GRID1: variants seen among roughly 807,000 people sequenced by gnomAD.
The protein encoded by GRID1 is glutamate receptor ionotropic, delta-1.
GRID1 carries 28 observed loss-of-function variants against 98.0 expected under a neutral mutation model. That is an observed-to-expected ratio of 0.29 (90% confidence interval 0.21 to 0.39). The LOEUF is 0.39. GRID1 is among the 10% of genes least tolerant of loss of function. GRID1 has a pLI of 1.00. For synonymous variants in GRID1, 553 were observed against 538.5 expected (o/e 1.03, Z -0.37); for missense variants, 1,111 against 1,340.5 (o/e 0.83, Z 2.67).
chr10:85,724,942 C>T (rs1400921894), intron 10 of GRID1, among the ~76,000 whole-genome samples: 1 of 152,226 alleles, frequency 6.6e-6, no homozygotes, highest in Non-Finnish European at 1.5e-5. Flanking sequence ...ATCTTCATTT[C>T]TCTACGAATT....
At chr10:85,711,135 C>T (rs574726829) in intron 12 of GRID1, among the ~76,000 whole-genome samples, 11 of 151,776 alleles carry the variant, frequency 7.2e-5, no homozygotes, top group African/African-American at 2.2e-4. Flanking sequence ...GTATATACAC[C>T]GAAGAATTAA....
chr10:85,648,600 T>C (rs1843227017), intron 12 of GRID1, among the ~76,000 whole-genome samples: 1 of 152,190 alleles, frequency 6.6e-6, no homozygotes, highest in Non-Finnish European at 1.5e-5. Context: ...TCTCTGGCTG[T>C]TCTCCCCACC....
chr10:85,833,808 G>A (rs1219078020), intron 8 of GRID1, among the ~76,000 whole-genome samples: 1 of 152,132 alleles, frequency 6.6e-6, no homozygotes, highest in African/African-American at 2.4e-5. Context: ...TGGAAATTAT[G>A]GAATTGAAAT....
chr10:86,139,127 C>T (rs1258777302), intron 3 of GRID1, 103 bp from the exon 4 acceptor site: 14 of 782,754 alleles, frequency 1.8e-5, no homozygotes, highest in South Asian at 1.3e-4. Flanking sequence ...CAGGCCACCA[C>T]GAAAAATGAG....
At chr10:85,845,283 G>T (rs1842995709) in intron 8 of GRID1, among the ~76,000 whole-genome samples, 1 of 151,926 alleles carries the variant, frequency 6.6e-6, no homozygotes, top group Non-Finnish European at 1.5e-5. Flanking sequence ...ACAGTAACAA[G>T]TAGAAAAATC....
intron 8 of GRID1, among the ~76,000 whole-genome samples, chr10:85,802,838 AACACACACACACAC>A (rs59101010): frequency 0.022 from 2,622 of 120,958 alleles, 41 homozygotes; most frequent in Admixed American, 0.03. Flanking sequence ...AAGCAGAATA[AACACACACACACAC>A]ACACACACAC....
chr10:86,022,579 G>A (rs1431196790), intron 4 of GRID1, among the ~76,000 whole-genome samples: 1 of 152,060 alleles, frequency 6.6e-6, no homozygotes, highest in Non-Finnish European at 1.5e-5. Context: ...TCTGTGAGAG[G>A]CTAGCTCAAG....
At chr10:85,901,395 C>T (rs540124129) in intron 5 of GRID1, among the ~76,000 whole-genome samples, 152 of 152,058 alleles carry the variant, frequency 1.0e-3, no homozygotes, top group African/African-American at 3.5e-3. Flanking sequence ...TACAGGTGCC[C>T]GCCACCATGC....
intron 8 of GRID1, among the ~76,000 whole-genome samples, chr10:85,826,102 G>A (rs1842817075): frequency 6.6e-6 from 1 of 152,082 alleles, no homozygotes; most frequent in South Asian, 2.1e-4. Flanking sequence ...TGAGGCGGGT[G>A]GATCACCTGA....
chr10:85,743,103 C>T (rs1317983642), intron 8 of GRID1, among the ~76,000 whole-genome samples: 3 of 100,106 alleles, frequency 3.0e-5, no homozygotes, highest in Non-Finnish European at 2.2e-5. Flanking sequence ...TAGAATTATG[C>T]AGCCCCCCCC....
intron 12 of GRID1, among the ~76,000 whole-genome samples, chr10:85,706,584 C>T (rs934143162): frequency 2.0e-5 from 3 of 152,112 alleles, no homozygotes; most frequent in Non-Finnish European, 2.9e-5. Flanking sequence ...CTACCAATGA[C>T]TTTCTTCACA....
chr10:85,791,510 C>T (rs556099673), intron 8 of GRID1, among the ~76,000 whole-genome samples: 6 of 152,292 alleles, frequency 3.9e-5, no homozygotes, highest in African/African-American at 1.4e-4. Flanking sequence ...GGTCCCCAGT[C>T]CCTCCCTACA....
Position 86,117,424 on chromosome 10 carries a change from C to T in GRID1, c.726+21395G>A, listed in dbSNP as rs371644766. ...CCACCAACACCATCACTATTACCAC[C>T]ACCAATACAAACACCATCCTACCAC... On this transcript the variant is annotated intron_variant, in intron 4 of 15. Coordinates refer to ENST00000327946, the MANE Select transcript of GRID1 (RefSeq NM_017551.3). Among the ~76,000 whole-genome samples the T allele has an allele frequency of 1.4e-3, 211 of 151,690 alleles. 1 individual carries two copies. Among genetic ancestry groups the T allele is most frequent in the Middle Eastern group, 6.8e-3 (2 of 294 alleles).
At chr10:86,320,784 GTTA>G (rs931732565) in intron 2 of GRID1, among the ~76,000 whole-genome samples, 3 of 151,990 alleles carry the variant, frequency 2.0e-5, no homozygotes, top group Non-Finnish European at 4.4e-5. Flanking sequence ...ATTGTGGCTT[GTTA>G]TTATTATTAT....
At chr10:86,007,582 A>G (rs1365442075) in intron 4 of GRID1, among the ~76,000 whole-genome samples, 3 of 152,234 alleles carry the variant, frequency 2.0e-5, no homozygotes, top group African/African-American at 4.8e-5. Flanking sequence ...TCTTTATACA[A>G]TATCACTGCT....
intron 4 of GRID1, among the ~76,000 whole-genome samples, chr10:86,038,737 T>C (rs1262009817): frequency 6.6e-6 from 1 of 152,228 alleles, no homozygotes; most frequent in African/African-American, 2.4e-5. Context: ...AAATATCCCA[T>C]TGTGTCACTT....
chr10:85,695,990 T>C (rs1158904883), intron 12 of GRID1, among the ~76,000 whole-genome samples: 1 of 152,172 alleles, frequency 6.6e-6, no homozygotes, highest in African/African-American at 2.4e-5. Context: ...GAAGGGACTT[T>C]ATTTTATCCA....
chr10:86,251,046 C>T (rs1321323581), intron 2 of GRID1, among the ~76,000 whole-genome samples: 2 of 152,122 alleles, frequency 1.3e-5, no homozygotes, highest in Non-Finnish European at 2.9e-5. Context: ...ACCTTACCCC[C>T]AACCCCGTGC....
At chr10:86,072,403 G>A (rs1445140799) in intron 4 of GRID1, among the ~76,000 whole-genome samples, 3 of 152,122 alleles carry the variant, frequency 2.0e-5, no homozygotes, top group East Asian at 1.9e-4. Context: ...GCCATTTTTC[G>A]GGCCAGTCGA....
Sources: allele counts gnomAD v4.1 joint callset (sites outside exome capture counted in the v4.1 genomes callset), GRCh38; gene constraint gnomAD v4.1.1; transcripts MANE v1.5; gene names NCBI Gene and HGNC (gene_info 2026-07-23, HGNC 2026-07-21).